The following SLC25A21 variants were observed in gnomAD, a reference collection of about 807,000 sequenced individuals.
SLC25A21 encodes the protein solute carrier family 25 member 21.
Under a neutral mutation model 43.8 loss-of-function variants are expected in SLC25A21, and 47 were observed. The ratio of observed to expected loss-of-function variants is 1.07; its 90% confidence interval spans 0.85 to 1.37. SLC25A21 has a LOEUF of 1.37. Ranked by LOEUF, SLC25A21 falls within the 40% of genes most tolerant of loss-of-function variation. SLC25A21 has a pLI of 0.00. For missense variants in SLC25A21, 352 were observed against 350.2 expected, an observed-to-expected ratio of 1.00 and a Z score of -0.04; for synonymous variants, 131 against 121.3, an observed-to-expected ratio of 1.08 and a Z score of -0.52.
intron 1 of SLC25A21, among the ~76,000 whole-genome samples, chr14:37,126,545 T>G (rs991264529): frequency 1.3e-5 from 2 of 151,970 alleles, no homozygotes; most frequent in African/African-American, 2.4e-5. Flanking sequence ...TGAAAGACAT[T>G]TGTTACAAGG....
At chr14:36,872,150 A>G (rs1447767531) in intron 2 of SLC25A21, among the ~76,000 whole-genome samples, 4 of 152,202 alleles carry the variant, frequency 2.6e-5, no homozygotes, top group African/African-American at 9.6e-5. Context: ...GGTGACTATT[A>G]TTACTTAAGG....
At chr14:36,989,645 C>T (rs1390490305) in intron 1 of SLC25A21, among the ~76,000 whole-genome samples, 1 of 152,012 alleles carries the variant, frequency 6.6e-6, no homozygotes, top group Non-Finnish European at 1.5e-5. Flanking sequence ...TACAAAAATG[C>T]CTGGCTGGTT....
chr14:37,143,605 T>C (rs987303405), intron 1 of SLC25A21, among the ~76,000 whole-genome samples: 5 of 152,008 alleles, frequency 3.3e-5, no homozygotes, highest in Middle Eastern at 6.8e-3. Flanking sequence ...TGTGTGTGTG[T>C]GTGTGTGTGT....
chr14:36,723,352 T>C (rs557657334), intron 6 of SLC25A21, among the ~76,000 whole-genome samples: 8 of 152,368 alleles, frequency 5.3e-5, no homozygotes, highest in African/African-American at 1.9e-4. Context: ...TGCTAGTTGC[T>C]GTAAATAAAT....
In SLC25A21 at chr14:37,040,370, A is replaced by AAG. The variant is rs1566835341; in HGVS notation, c.70+131910_70+131911insCT. On this transcript the variant is annotated intron_variant, in intron 1 of 9. Transcript: ENST00000331299. ...GAAGGAAGGAAAGAAAGAGAGAGAG[A>AAG]GAGAGAAAGAAAGAAAGAAAGAAAG... Among the ~76,000 whole-genome samples the AAG allele has an allele frequency of 3.6e-3, 120 of 33,674 alleles. 28 individuals are homozygous for AAG. In the African/African-American group the frequency reaches 0.042, roughly 12 times the overall value. 22.1% of individuals were successfully genotyped at this position (33,674 alleles called of 152,430 possible). A position where few individuals can be genotyped will look rare whatever the true frequency, so the allele number is the denominator to read the frequency against.
chr14:36,898,654 T>A (rs1891317781), intron 1 of SLC25A21, among the ~76,000 whole-genome samples: 1 of 152,102 alleles, frequency 6.6e-6, no homozygotes, highest in Non-Finnish European at 1.5e-5. Flanking sequence ...CTGGAGCTGT[T>A]CCTATTCAGC....
intron 1 of SLC25A21, among the ~76,000 whole-genome samples, chr14:37,064,271 G>A (rs540444897): frequency 5.9e-5 from 9 of 152,168 alleles, no homozygotes; most frequent in Non-Finnish European, 1.2e-4. Context: ...GTCTGGGACT[G>A]AGAGTCAGAC....
At chr14:36,772,779 A>AT (rs1886670083) in intron 3 of SLC25A21, among the ~76,000 whole-genome samples, 1 of 152,250 alleles carries the variant, frequency 6.6e-6, no homozygotes, top group South Asian at 2.1e-4. Flanking sequence ...GCTCCCCTGC[A>AT]TAGTTCTCTG....
At chr14:37,099,140 A>G (rs765809946) in intron 1 of SLC25A21, among the ~76,000 whole-genome samples, 12 of 152,176 alleles carry the variant, frequency 7.9e-5, no homozygotes, top group Admixed American at 3.3e-4. Context: ...AATTGAGACC[A>G]CATTGATTTG....
intron 2 of SLC25A21, among the ~76,000 whole-genome samples, chr14:36,855,537 C>T (rs8010630): frequency 0.075 from 11,467 of 152,176 alleles, 595 homozygotes; most frequent in East Asian, 0.21. Context: ...AAGATCCAGT[C>T]CAGTGGTTTT....
intron 1 of SLC25A21, among the ~76,000 whole-genome samples, chr14:36,902,262 GGGTTGTAGCTATGCTGTTTA>G (rs1190354081): frequency 6.6e-6 from 1 of 152,166 alleles, no homozygotes; most frequent in Non-Finnish European, 1.5e-5. Context: ...ATTCTGATGA[GGGTTGTAGCTATGCTGTTTA>G]GGTTGTCCTT....
chr14:36,971,585 T>C (rs1354018987), intron 1 of SLC25A21, among the ~76,000 whole-genome samples: 1 of 152,028 alleles, frequency 6.6e-6, no homozygotes, highest in Non-Finnish European at 1.5e-5. Flanking sequence ...TAAAATCTGC[T>C]ATGGTCCGCT....
At chr14:36,697,281 G>A (rs1883070217) in intron 7 of SLC25A21, among the ~76,000 whole-genome samples, 1 of 152,198 alleles carries the variant, frequency 6.6e-6, no homozygotes, top group Admixed American at 6.5e-5. Flanking sequence ...GAGACAGTTT[G>A]TTGTGATTTT....
chr14:36,789,571 T>C (rs1887371198), intron 3 of SLC25A21, among the ~76,000 whole-genome samples: 1 of 150,566 alleles, frequency 6.6e-6, no homozygotes, highest in Admixed American at 6.7e-5. Context: ...CAAACATGTT[T>C]GTAGGCAAGG....
chr14:37,154,712 A>G (rs34360521), intron 1 of SLC25A21, among the ~76,000 whole-genome samples: 59,358 of 150,328 alleles, frequency 0.39, 12,544 homozygotes, highest in African/African-American at 0.56. Context: ...GCATGATCTC[A>G]GCTCACTGTA....
intron 1 of SLC25A21, among the ~76,000 whole-genome samples, chr14:37,076,218 T>C (rs1962277795): frequency 6.6e-6 from 1 of 152,156 alleles, no homozygotes; most frequent in Non-Finnish European, 1.5e-5. Flanking sequence ...TGGAGAGCAG[T>C]GGAGCAATCT....
At chr14:37,099,796 C>G (rs1006845496) in intron 1 of SLC25A21, among the ~76,000 whole-genome samples, 3 of 152,054 alleles carry the variant, frequency 2.0e-5, no homozygotes, top group African/African-American at 7.2e-5. Flanking sequence ...AGATTCAGAA[C>G]CCGGAGCTCT....
chr14:37,145,571 G>A (rs1963651093), intron 1 of SLC25A21, among the ~76,000 whole-genome samples: 1 of 151,964 alleles, frequency 6.6e-6, no homozygotes, highest in Non-Finnish European at 1.5e-5. Flanking sequence ...ACCCCACTGA[G>A]TAAGTCCCCT....
intron 1 of SLC25A21, among the ~76,000 whole-genome samples, chr14:37,050,431 A>G (rs953974087): frequency 1.2e-4 from 19 of 152,242 alleles, no homozygotes; most frequent in Non-Finnish European, 2.9e-5. Context: ...TGCAGCACAC[A>G]GAGTTGAGCA....
Sources: gnomAD v4.1 joint callset for allele counts (sites outside exome capture counted in the v4.1 genomes callset) on GRCh38, gnomAD v4.1.1 for gene constraint, MANE v1.5 for transcripts, NCBI Gene and HGNC (gene_info 2026-07-23, HGNC 2026-07-21) for gene names.